The following ZCCHC8 variants were observed in gnomAD, a reference collection of about 807,000 sequenced individuals.
ZCCHC8 encodes the protein zinc finger CCHC domain-containing protein 8.
A neutral mutation model predicts 70.6 loss-of-function variants in ZCCHC8; 27 were observed. The observed-to-expected ratio is 0.38, with a 90% confidence interval of 0.28 to 0.53. The LOEUF is 0.53. Ranked by LOEUF, ZCCHC8 falls within the 20% of genes least tolerant of loss-of-function variation. The pLI, the probability that ZCCHC8 is intolerant of heterozygous loss-of-function variation, is 0.81. For synonymous variants in ZCCHC8, 293 were observed against 317.4 expected (o/e 0.92, Z 0.82); for missense variants, 737 against 876.9 (o/e 0.84, Z 2.01).
chr12:122,497,109 A>G (rs1191387631), intron 2 of ZCCHC8, among the ~76,000 whole-genome samples: 2 of 151,742 alleles, frequency 1.3e-5, no homozygotes, highest in African/African-American at 4.8e-5. Flanking sequence ...AGCCGAGGTC[A>G]TGCCACTGCA....
At chr12:122,481,194 T>C in intron 10 of ZCCHC8, 1 of 175,804 alleles carries the variant, frequency 5.7e-6, no homozygotes. Flanking sequence ...AGGTTTTCTG[T>C]ATTTTACATT....
At chr12:122,494,786 C>T (rs1197170129) in intron 2 of ZCCHC8, among the ~76,000 whole-genome samples, 9 of 151,504 alleles carry the variant, frequency 5.9e-5, no homozygotes, top group Admixed American at 4.6e-4. Context: ...ACAGGGGAGG[C>T]GGAGGTTGCA....
chr12:122,477,856 T>A lies in ZCCHC8; in HGVS notation c.1330A>T (p.Met444Leu). The A allele has an allele frequency of 6.2e-7, 1 of 1,611,858 alleles. No individual in the cohort carries two copies. The highest frequency in any genetic ancestry group is 8.5e-7 in the Non-Finnish European group (1 of 1,178,498). ...ESNSAGSPAD[M>L]ELDSDMEVPH... ...TGAAACCTACCTGAATCGAGCTCCA[T>A]GTCGGCGGGAGATCCCGCTGAGTTG... is the stretch of plus-strand genomic sequence containing the variant. The change falls in exon 13 of 14, where the codon ATG becomes TTG. Residue 444 changes from methionine to leucine, a missense_variant. Met to Leu is a conservative substitution (Grantham distance 15). Transcript: ENST00000633063.
intron 5 of ZCCHC8, 50 bp downstream of exon 5, chr12:122,489,336 G>T (rs1444409079): frequency 1.3e-6 from 2 of 1,558,562 alleles, no homozygotes; most frequent in East Asian, 2.2e-5. Context: ...GTTGACATAG[G>T]ATAGGAAACA....
At chr12:122,491,648 G>A (rs1478117853) in intron 3 of ZCCHC8, among the ~76,000 whole-genome samples, 1 of 151,916 alleles carries the variant, frequency 6.6e-6, no homozygotes, top group African/African-American at 2.4e-5. Flanking sequence ...GACCAACATG[G>A]AGAAACCCCG....
rs557814149 is a variant in ZCCHC8, at chr12:122,477,915, C to A, written c.1271G>T (p.Ser424Ile). 3.7e-6 allele frequency: 6 copies of A among 1,613,848 alleles called. No homozygotes were observed. Among genetic ancestry groups the A allele is most frequent in the African/African-American group, 2.7e-5 (2 of 75,012 alleles). ...CTTCTGCTTCTTTGGACTACCTGGG[C>A]TAGAGTGAGATGAAGACCTCTTGTT... ...SGNKRSSSHS[S>I]PGSPKKQKNE... Residue 424 changes from serine (S) to isoleucine (I), a missense_variant, in exon 13 of 14, where the codon AGC becomes ATC. Transcript: ENST00000633063.
chr12:122,500,479 A>G lies in ZCCHC8; in HGVS notation c.199+163T>C. 1.0e-6 allele frequency: 1 copy of G among 957,324 alleles called. No homozygotes were observed. Among genetic ancestry groups the G allele is most frequent in the African/African-American group, 1.7e-5 (1 of 60,076 alleles). 59.3% of individuals were successfully genotyped at this position (957,324 alleles called of 1,614,324 possible). ...AGGCAGCCTGCGCGCCCCGAACCCT[A>G]GACTCTCGGTCCGCCGGCGGGTGAC... On this transcript the variant is annotated intron_variant, in intron 1 of 13. Coordinates refer to ENST00000633063, the MANE Select transcript of ZCCHC8 (RefSeq NM_017612.5). The surrounding 1 kb of genome is among the most constrained non-coding windows in gnomAD (Gnocchi z 4.8).
chr12:122,482,607 G>A, intron 8 of ZCCHC8, 28 bp downstream of exon 8: 1 of 1,577,818 alleles, frequency 6.3e-7, no homozygotes, highest in Non-Finnish European at 8.6e-7. Context: ...CTTGTTCAAA[G>A]ACTTTTCTTA....
intron 2 of ZCCHC8, among the ~76,000 whole-genome samples, chr12:122,495,589 C>A (rs1957813354): frequency 6.6e-6 from 1 of 151,962 alleles, no homozygotes; most frequent in Non-Finnish European, 1.5e-5. Flanking sequence ...ATGGCTCATG[C>A]CCGTAATGCC....
At chr12:122,489,259 C>T (rs1274956491) in intron 5 of ZCCHC8, 127 bp downstream of exon 5, 3 of 797,336 alleles carry the variant, frequency 3.8e-6, no homozygotes, top group Non-Finnish European at 3.8e-6. Flanking sequence ...TGCTATTTAC[C>T]ACAAAAAGAT....
Position 122,483,143 on chromosome 12 carries a change from GGATT to G in ZCCHC8, c.671+132_671+135del, listed in dbSNP as rs1407449212. 3 of 777,996 alleles carry G rather than the reference GGATT, an allele frequency of 3.9e-6. No homozygotes were observed. The African/African-American group carries it at 5.3e-5, about 14-fold the overall frequency. 48.2% of individuals were successfully genotyped at this position (777,996 alleles called of 1,614,324 possible). Reference sequence around the variant, plus strand: ...ATTTAAACATTTAACATATATGTATGGATTAAAATTCTAGCTCAATCTGTAATTA... The same window carrying G: ...ATTTAAACATTTAACATATATGTATGAAAATTCTAGCTCAATCTGTAATTA... On this transcript the variant is annotated intron_variant, in intron 7 of 13. Coordinates refer to ENST00000633063, the MANE Select transcript of ZCCHC8 (RefSeq NM_017612.5). This position sits in a 1 kb window ranked among gnomAD's most constrained non-coding sequence, Gnocchi z 4.4.
Position 122,480,287 on chromosome 12 carries a change from A to G in ZCCHC8, c.1043T>C (p.Val348Ala). ...ACTTTTATTCTGTTGTATTTCTCCA[A>G]CTTCTGTTTCCCCATCAGTGCCATC... ...GKDGTDGETE[V>A]GEIQQNKSVT... The change falls in exon 11 of 14, where the codon GTT becomes GCT. Residue 348 changes from valine to alanine, a missense_variant. Transcript: ENST00000633063. The G allele has an allele frequency of 1.2e-6, 2 of 1,610,262 alleles. No homozygotes were observed. The highest frequency in any genetic ancestry group is 1.7e-6 in the Non-Finnish European group (2 of 1,177,946).
intron 10 of ZCCHC8, chr12:122,480,618 C>T (rs746907232): frequency 2.0e-5 from 4 of 198,702 alleles, no homozygotes; most frequent in Admixed American, 5.9e-5. Context: ...ACTACATGAA[C>T]GCACAACCAC....
At chr12:122,476,951 G>A (rs890759649) in intron 13 of ZCCHC8, among the ~76,000 whole-genome samples, 1 of 151,678 alleles carries the variant, frequency 6.6e-6, no homozygotes, top group African/African-American at 2.4e-5. Flanking sequence ...GAACCTGAGA[G>A]GCGGAGGTTG....
intron 1 of ZCCHC8, chr12:122,499,496 C>T (rs1957882330): frequency 6.5e-6 from 1 of 153,116 alleles, no homozygotes; most frequent in South Asian, 2.0e-4. Context: ...TCCTGATCCT[C>T]ATGATCCACC....
intron 10 of ZCCHC8, 123 bp downstream of exon 10, chr12:122,481,399 T>A (rs1037316616): frequency 8.2e-6 from 10 of 1,224,536 alleles, no homozygotes; most frequent in Non-Finnish European, 1.1e-5. Context: ...AACATCATCA[T>A]GATATTTTTT....
chr12:122,484,397 C>G (rs1018361824), intron 5 of ZCCHC8, among the ~76,000 whole-genome samples: 5 of 146,382 alleles, frequency 3.4e-5, no homozygotes, highest in African/African-American at 1.3e-4. Flanking sequence ...TGCACCTGGC[C>G]TCACATATAC....
At chr12:122,498,158 C>CT (rs11449631) in intron 2 of ZCCHC8, among the ~76,000 whole-genome samples, 102,498 of 131,198 alleles carry the variant, frequency 0.78, 40,499 homozygotes, top group African/African-American at 0.87. Context: ...ATACTGTAAT[C>CT]TTTTTTTTTT....
intron 3 of ZCCHC8, 53 bp from the exon 4 acceptor site, chr12:122,490,620 G>T: frequency 8.8e-7 from 1 of 1,137,072 alleles, no homozygotes; most frequent in South Asian, 1.5e-5. Context: ...ACATTCAATA[G>T]ACTGAAGTCT....
Sources: allele counts gnomAD v4.1 joint callset (sites outside exome capture counted in the v4.1 genomes callset), GRCh38; gene constraint gnomAD v4.1.1; non-coding constraint Gnocchi (gnomAD v3.1); transcripts MANE v1.5; gene names NCBI Gene and HGNC (gene_info 2026-07-23, HGNC 2026-07-21).